Variants in PEX19 observed in about 807,000 individuals in gnomAD.
PEX19 encodes 33 kDa housekeeping protein.
In PEX19, 29 loss-of-function variants were observed where a neutral mutation model predicts 36.3. That is an observed-to-expected ratio of 0.80 (90% CI 0.60 to 1.09). The LOEUF is 1.09. PEX19 is among the 50% of genes least tolerant of loss of function. The pLI is 0.00. For synonymous variants in PEX19, 141 were observed against 135.2 expected (o/e 1.04, Z -0.30); for missense variants, 396 against 368.1 (o/e 1.08, Z -0.62).
In PEX19 at chr1:160,282,481, T is replaced by G; in HGVS notation, c.368A>C (p.Gln123Pro). 1 of 1,614,028 alleles carries G rather than the reference T, an allele frequency of 6.2e-7. No homozygotes were observed. ...TTCCTTTAGGCAAGAAGTGAATTCT[T>G]GTTGGGAGGTCATATCACTGCCTAG... ...GRVGSDMTSQ[Q>P]EFTSCLKETL... Residue 123 changes from glutamine to proline, a missense_variant, in exon 4 of 8, where the codon CAA (glutamine) becomes CCA (proline). By Grantham distance (76) the Gln-to-Pro change is moderately conservative (BLOSUM62 -1). Transcript: ENST00000368072.
chr1:160,283,134 G>C, intron 2 of PEX19, 25 bp from the exon 3 acceptor site: 2 of 1,611,974 alleles, frequency 1.2e-6, no homozygotes, highest in Non-Finnish European at 8.5e-7. Context: ...TGGCTGAAAT[G>C]CGTCTCTTAC....
chr1:160,282,491 T>A lies in PEX19; in HGVS notation c.358A>T (p.Thr120Ser). 1 of 1,613,544 alleles carries A rather than the reference T, an allele frequency of 6.2e-7. No homozygotes were observed. Among genetic ancestry groups the A allele is most frequent in the Non-Finnish European group, 8.5e-7 (1 of 1,179,496 alleles). ...CAAGAAGTGAATTCTTGTTGGGAGG[T>A]CATATCACTGCCTAGGAGAGATTAA... The part of the protein sequence containing the change: ...EAAGRVGSDM[T>S]SQQEFTSCLK... The change falls in exon 4 of 8, where the codon ACC becomes TCC. Residue 120 changes from threonine to serine, a missense_variant. Physicochemically the swap from Thr to Ser is moderately conservative, Grantham distance 58. Coordinates refer to ENST00000368072, the MANE Select transcript of PEX19 (RefSeq NM_002857.4).
rs1357331804 is a variant in PEX19 at position 160,285,083 on chromosome 1, C to T, written c.42G>A (p.Ala14=). 1.2e-6 allele frequency: 2 copies of T among 1,613,976 alleles called. No homozygotes were observed. Among genetic ancestry groups the T allele is most frequent in the African/African-American group, 1.3e-5 (1 of 75,062 alleles). The change falls in exon 1 of 8, where the codon GCG becomes GCA. Residue 14 remains alanine, a synonymous_variant. Coordinates refer to ENST00000368072, the MANE Select transcript of PEX19 (RefSeq NM_002857.4). The part of the protein sequence containing the change: ...AEEGCSVGAE[A]DRELEELLES... ...CCAGAAGCTCCTCCAATTCCCTGTC[C>T]GCTTCGGCCCCGACACTACAGCCTT...
chr1:160,284,137 C>A, intron 1 of PEX19: 1 of 471,886 alleles, frequency 2.1e-6, no homozygotes, highest in Non-Finnish European at 4.4e-6. Context: ...ATACCAGACT[C>A]CATGGTACGG....
intron 5 of PEX19, among the ~76,000 whole-genome samples, chr1:160,280,796 G>A (rs540166150): frequency 6.6e-6 from 1 of 152,162 alleles, no homozygotes; most frequent in Non-Finnish European, 1.5e-5. Flanking sequence ...TGGGACTATA[G>A]GAGTGAGCCA....
At chr1:160,280,304 A>C (rs1657719802) in intron 5 of PEX19, 58 bp from the exon 6 acceptor site, 3 of 1,427,264 alleles carry the variant, frequency 2.1e-6, no homozygotes, top group Non-Finnish European at 3.0e-6. Flanking sequence ...ATGGATGGGT[A>C]ATCAGAACAA....
In PEX19 at chr1:160,278,335, C is replaced by T. The variant is rs1459686784; in HGVS notation, c.*1216G>A. 1.5e-6 allele frequency: 1 copy of T among 689,158 alleles called. No homozygotes were observed. The highest frequency in any genetic ancestry group is 2.6e-6 in the Non-Finnish European group (1 of 378,380). 42.7% of individuals were successfully genotyped at this position (689,158 alleles called of 1,614,324 possible). On this transcript the variant is annotated 3_prime_UTR_variant, in exon 8 of 8. Transcript: ENST00000368072. Reference sequence around the variant, plus strand: ...ACATGAGGAAAGATGGCCATCCAGTCTCCTTTGCCAACTGAGGTGCAGACT... The same window carrying T: ...ACATGAGGAAAGATGGCCATCCAGTTTCCTTTGCCAACTGAGGTGCAGACT...
At position 160,283,736 on chromosome 1, in the gene PEX19, T is replaced by A. The variant is rs543850497; in HGVS notation, c.71-97A>T. On this transcript the variant is annotated intron_variant, in intron 1 of 7. Coordinates refer to ENST00000368072, the MANE Select transcript of PEX19 (RefSeq NM_002857.4). Reference sequence around the variant, plus strand: ...GGCAAAGCATTAGGAATATGATTTTTCAAATTGCCAACTTTCCTCAATTTT... The same window carrying A: ...GGCAAAGCATTAGGAATATGATTTTACAAATTGCCAACTTTCCTCAATTTT... 4.3e-5 allele frequency: 44 copies of A among 1,011,498 alleles called. No homozygotes were observed. In the African/African-American group the frequency reaches 4.7e-4, roughly 11 times the overall value. The allele number at this position is 1,011,498 out of a possible 1,614,324, so 62.7% of individuals were successfully genotyped here. A position where few individuals can be genotyped will look rare whatever the true frequency, so the allele number is the denominator to read the frequency against.
intron 4 of PEX19, 82 bp from the exon 5 acceptor site, chr1:160,282,282 A>C (rs1657804026): frequency 2.6e-6 from 4 of 1,522,920 alleles, no homozygotes; most frequent in Admixed American, 1.7e-5. Flanking sequence ...AAGATAAACT[A>C]TCTAAACTTG....
chr1:160,283,181 A>G, intron 2 of PEX19, 72 bp from the exon 3 acceptor site: 2 of 1,533,100 alleles, frequency 1.3e-6, no homozygotes, highest in Non-Finnish European at 1.8e-6. Flanking sequence ...GATAGAAGCC[A>G]CAGGCAGTGG....
rs1445458428 is a variant in PEX19, at chr1:160,277,802, A to G, written c.*1749T>C. ...GGAGCTTTAAGGAGAAAATAGTGAC[A>G]CTGAAGCCCCATGACTATATCACAA... On this transcript the variant is annotated 3_prime_UTR_variant, in exon 8 of 8. Coordinates refer to ENST00000368072, the MANE Select transcript of PEX19 (RefSeq NM_002857.4). 24 of 509,874 alleles carry G rather than the reference A, an allele frequency of 4.7e-5. No individual in the cohort carries two copies. Among genetic ancestry groups the G allele is most frequent in the Non-Finnish European group, 8.7e-5 (23 of 264,514 alleles). 31.6% of individuals were successfully genotyped at this position (509,874 alleles called of 1,614,324 possible).
chr1:160,278,518 G>A lies in PEX19; in HGVS notation c.*1033C>T, dbSNP rs1657630458. 1 of 480,148 alleles carries A rather than the reference G, an allele frequency of 2.1e-6. No homozygotes were observed. The highest frequency in any genetic ancestry group is 4.1e-6 in the Non-Finnish European group (1 of 244,722). The allele number at this position is 480,148 out of a possible 1,614,324, so 29.7% of individuals were successfully genotyped here. On this transcript the variant is annotated 3_prime_UTR_variant, in exon 8 of 8. Coordinates refer to ENST00000368072, the MANE Select transcript of PEX19 (RefSeq NM_002857.4). ...TATTTATTATATTCTGCCCCATGGG[G>A]CCTTGCAGGAAAAGGGACCCAAGCT...
At chr1:160,284,024 G>A (rs1467996816) in intron 1 of PEX19, 3 of 468,710 alleles carry the variant, frequency 6.4e-6, no homozygotes, top group Non-Finnish European at 1.3e-5. Context: ...TCATCCCTCT[G>A]AACTCACTCT....
chr1:160,280,332 A>G, intron 5 of PEX19, 86 bp from the exon 6 acceptor site: 1 of 1,309,274 alleles, frequency 7.6e-7, no homozygotes, highest in Non-Finnish European at 1.1e-6. Flanking sequence ...AAAATGTGAA[A>G]GGGAAAGGGA....
chr1:160,277,885 G>A lies in PEX19; in HGVS notation c.*1666C>T, dbSNP rs1287006569. The A allele has an allele frequency of 1.5e-6, 1 of 665,116 alleles. No homozygotes were observed. The highest frequency in any genetic ancestry group is 2.0e-5 in the Admixed American group (1 of 48,978). The allele number at this position is 665,116 out of a possible 1,614,324, so 41.2% of individuals were successfully genotyped here. A position where few individuals can be genotyped will look rare whatever the true frequency, so the allele number is the denominator to read the frequency against. ...CAGAGACGTTTTACATTCAGATCTGGGCTCTTCCATGCTCTGGTAAGGTAT... is the reference window on the plus strand; with the variant it reads ...CAGAGACGTTTTACATTCAGATCTGAGCTCTTCCATGCTCTGGTAAGGTAT... On this transcript the variant is annotated 3_prime_UTR_variant, in exon 8 of 8. Transcript: ENST00000368072.
At position 160,285,124 on chromosome 1, in the gene PEX19, TC is replaced by T; in HGVS notation, c.-1del. 6.2e-7 allele frequency: 1 copy of T among 1,613,152 alleles called. No homozygotes were observed. The highest frequency in any genetic ancestry group is 1.1e-5 in the South Asian group (1 of 91,054). ...CTACAGCCTTCCTCAGCGGCGGCCA[TC>T]TTGCTACCTCCGACTTGCCGTAGGA... On this transcript the variant is annotated 5_prime_UTR_variant, in exon 1 of 8. Transcript: ENST00000368072.
At position 160,277,199 on chromosome 1, in the gene PEX19, C is replaced by CT. The variant is rs751979135; in HGVS notation, c.*2351dup. The CT allele has an allele frequency of 0.034, 11,553 of 336,854 alleles. No individual in the cohort carries two copies. Among genetic ancestry groups the CT allele is most frequent in the Admixed American group, 0.058 (1,902 of 32,704 alleles). The allele number at this position is 336,854 out of a possible 1,614,324, so 20.9% of individuals were successfully genotyped here. ...CAGACTTGTGCTGGTCAGTGAACAC[C>CT]TTTTTTTTTTTTTCACCAGTCTGTG... On this transcript the variant is annotated 3_prime_UTR_variant, in exon 8 of 8. Transcript: ENST00000368072.
Position 160,278,818 on chromosome 1 carries a change from AAGGG to A in PEX19, c.*729_*732del, listed in dbSNP as rs966142014. 1.1e-5 allele frequency: 5 copies of A among 453,896 alleles called. No homozygotes were observed. The highest frequency in any genetic ancestry group is 2.2e-5 in the Non-Finnish European group (5 of 226,772). The allele number at this position is 453,896 out of a possible 1,614,324, so 28.1% of individuals were successfully genotyped here. On this transcript the variant is annotated 3_prime_UTR_variant, in exon 8 of 8. Coordinates refer to ENST00000368072, the MANE Select transcript of PEX19 (RefSeq NM_002857.4). Reference sequence around the variant, plus strand: ...GGTGTTTAAAAAAGAGAGGAGGTAAAAGGGAGGATGGGCAGGGGATAGAGGAAGG... The same window carrying A: ...GGTGTTTAAAAAAGAGAGGAGGTAAAAGGATGGGCAGGGGATAGAGGAAGG...
At position 160,283,125 on chromosome 1, in the gene PEX19, G is replaced by A. The variant is rs1657850255; in HGVS notation, c.181-16C>T. The A allele has an allele frequency of 6.2e-7, 1 of 1,612,522 alleles. No individual in the cohort carries two copies. On this transcript the variant is annotated splice_polypyrimidine_tract_variant and intron_variant, in intron 2 of 7. Coordinates refer to ENST00000368072, the MANE Select transcript of PEX19 (RefSeq NM_002857.4). ...AGAGGGCATCCTGCGGGGGAAGGATGGCTGAAATGCGTCTCTTACTTAGGA... is the reference window on the plus strand; with the variant it reads ...AGAGGGCATCCTGCGGGGGAAGGATAGCTGAAATGCGTCTCTTACTTAGGA...
Sources: allele counts gnomAD v4.1 joint callset (sites outside exome capture counted in the v4.1 genomes callset), GRCh38; gene constraint gnomAD v4.1.1; transcripts MANE v1.5; gene names NCBI Gene and HGNC (gene_info 2026-07-23, HGNC 2026-07-21).